APBA1: variants seen among roughly 807,000 people sequenced by gnomAD.
APBA1 encodes amyloid beta precursor protein binding family A member 1.
Under a neutral mutation model 86.6 loss-of-function variants are expected in APBA1, and 55 were observed. The ratio of observed to expected loss-of-function variants is 0.64; its 90% CI spans 0.51 to 0.80. APBA1 has a LOEUF of 0.80. APBA1 is among the 30% of genes least tolerant of loss of function. The pLI is 0.00. For synonymous variants in APBA1, 511 were observed against 493.9 expected (o/e 1.03, Z -0.46); for missense variants, 1,090 against 1,183.0 (o/e 0.92, Z 1.15).
intron 1 of APBA1, among the ~76,000 whole-genome samples, chr9:69,546,956 G>T (rs765110757): frequency 6.6e-6 from 1 of 152,164 alleles, no homozygotes; most frequent in Non-Finnish European, 1.5e-5. Flanking sequence ...AAAGTGTTAC[G>T]CATACATTTA....
In APBA1 at chr9:69,440,978, G is replaced by C; in HGVS notation, c.2301+18C>G. On this transcript the variant is annotated intron_variant, in intron 11 of 12. Transcript: ENST00000265381. ...TTGTCAACATTGTGGAAAAGGGTGTGGAAGGTGTTCTACTTACAATTCCAT... is the reference window on the plus strand; with the variant it reads ...TTGTCAACATTGTGGAAAAGGGTGTCGAAGGTGTTCTACTTACAATTCCAT... The C allele has an allele frequency of 6.2e-7, 1 of 1,610,878 alleles. No homozygotes were observed. The highest frequency in any genetic ancestry group is 8.5e-7 in the Non-Finnish European group (1 of 1,178,422).
intron 1 of APBA1, among the ~76,000 whole-genome samples, chr9:69,662,342 A>C (rs1261939171): frequency 6.6e-6 from 1 of 152,234 alleles, no homozygotes; most frequent in Non-Finnish European, 1.5e-5. Context: ...AGCTGTGTAC[A>C]GTACTTAGCG....
At chr9:69,510,198 A>C (rs1170548838) in intron 2 of APBA1, among the ~76,000 whole-genome samples, 1 of 149,934 alleles carries the variant, frequency 6.7e-6, no homozygotes, top group Non-Finnish European at 1.5e-5. Context: ...AAATCTCCTT[A>C]AGCTGATAAG....
At chr9:69,528,963 T>G (rs538495947) in intron 1 of APBA1, among the ~76,000 whole-genome samples, 1 of 152,206 alleles carries the variant, frequency 6.6e-6, no homozygotes, top group Admixed American at 6.5e-5. Flanking sequence ...TTACTGCTAT[T>G]GTTATGTTTA....
intron 1 of APBA1, among the ~76,000 whole-genome samples, chr9:69,543,278 C>A (rs1836646589): frequency 3.1e-3 from 1 of 326 alleles, no homozygotes; most frequent in African/African-American, 6.7e-3. Flanking sequence ...CTGGGATTTC[C>A]CCCCCCCCCC....
intron 2 of APBA1, among the ~76,000 whole-genome samples, chr9:69,511,626 A>C (rs1057444068): frequency 1.6e-4 from 25 of 151,892 alleles, no homozygotes; most frequent in African/African-American, 5.8e-4. Flanking sequence ...ATGCACACGT[A>C]TGTTTACTGC....
intron 1 of APBA1, among the ~76,000 whole-genome samples, chr9:69,671,764 G>A (rs912481203): frequency 6.6e-6 from 1 of 152,062 alleles, no homozygotes; most frequent in African/African-American, 2.4e-5. Context: ...GAGATGAGGG[G>A]GTCCTAGCGG....
At chr9:69,632,723 G>A (rs1257408690) in intron 1 of APBA1, among the ~76,000 whole-genome samples, 1 of 152,104 alleles carries the variant, frequency 6.6e-6, no homozygotes, top group Admixed American at 6.5e-5. Flanking sequence ...GAAGTCACTT[G>A]TTCATACTTA....
intron 2 of APBA1, among the ~76,000 whole-genome samples, chr9:69,477,013 C>T (rs10867620): frequency 0.28 from 43,077 of 152,122 alleles, 6,406 homozygotes; most frequent in African/African-American, 0.36. Flanking sequence ...ACTCCCCAGC[C>T]TATAGCCAAA....
chr9:69,576,760 G>A (rs927339465), intron 1 of APBA1, among the ~76,000 whole-genome samples: 3 of 152,158 alleles, frequency 2.0e-5, no homozygotes, highest in African/African-American at 7.2e-5. Context: ...AATGTTAAAT[G>A]ATAAGTTAAT....
chr9:69,435,525 T>G (rs1398335021), intron 11 of APBA1, among the ~76,000 whole-genome samples: 2 of 152,238 alleles, frequency 1.3e-5, no homozygotes, highest in Non-Finnish European at 2.9e-5. Context: ...TGGTTTTGAT[T>G]TGCATTTCTC....
intron 7 of APBA1, 59 bp from the exon 8 acceptor site, chr9:69,456,491 C>T (rs935614187): frequency 1.1e-5 from 17 of 1,490,514 alleles, no homozygotes; most frequent in Admixed American, 2.2e-5. Context: ...CCTAAGAAAG[C>T]GCCTGCCACC....
At chr9:69,494,877 G>A (rs1835771417) in intron 2 of APBA1, among the ~76,000 whole-genome samples, 1 of 152,110 alleles carries the variant, frequency 6.6e-6, no homozygotes. Flanking sequence ...CACTGTACAA[G>A]GGTACATTAT....
intron 1 of APBA1, among the ~76,000 whole-genome samples, chr9:69,629,697 T>C (rs775920113): frequency 6.6e-6 from 1 of 152,180 alleles, no homozygotes; most frequent in Non-Finnish European, 1.5e-5. Context: ...ACATATTACA[T>C]ATTCATTGAG....
intron 1 of APBA1, among the ~76,000 whole-genome samples, chr9:69,572,788 G>A (rs1837136611): frequency 6.6e-6 from 1 of 152,104 alleles, no homozygotes; most frequent in Non-Finnish European, 1.5e-5. Context: ...TTTACCACAG[G>A]GTTTCATAAA....
intron 8 of APBA1, 151 bp from the exon 9 acceptor site, chr9:69,452,452 AC>A: frequency 1.5e-6 from 1 of 667,456 alleles, no homozygotes; most frequent in South Asian, 2.0e-5. Context: ...ACGTGGGGCT[AC>A]CAGTGCCCAC....
chr9:69,574,953 C>T (rs897127576), intron 1 of APBA1, among the ~76,000 whole-genome samples: 2 of 152,174 alleles, frequency 1.3e-5, no homozygotes, highest in East Asian at 1.9e-4. Flanking sequence ...TTCATTCTGT[C>T]GCCTAGGCTG....
chr9:69,600,386 TGA>T (rs1158081367), intron 1 of APBA1, among the ~76,000 whole-genome samples: 1 of 152,134 alleles, frequency 6.6e-6, no homozygotes, highest in Non-Finnish European at 1.5e-5. Context: ...ATGGTTTTTG[TGA>T]GAGTTTGAAA....
chr9:69,660,364 A>T (rs1346942491), intron 1 of APBA1, among the ~76,000 whole-genome samples: 1 of 152,186 alleles, frequency 6.6e-6, no homozygotes, highest in Non-Finnish European at 1.5e-5. Context: ...CATATCACCA[A>T]GGGCTGCTGG....
Sources: allele counts gnomAD v4.1 joint callset (sites outside exome capture counted in the v4.1 genomes callset), GRCh38; gene constraint gnomAD v4.1.1; transcripts MANE v1.5; gene names NCBI Gene and HGNC (gene_info 2026-07-23, HGNC 2026-07-21).